Variants in GPR35 observed in about 807,000 individuals in gnomAD.
GPR35 encodes KYNA receptor.
For synonymous variants in GPR35, 207 were observed against 198.4 expected, an observed-to-expected ratio of 1.04 and a Z score of -0.36; for missense variants, 372 against 422.5, an observed-to-expected ratio of 0.88 and a Z score of 1.05.
upstream of GPR35, among the ~76,000 whole-genome samples, chr2:240,623,356 G>C (rs1486301675): frequency 7.1e-6 from 1 of 140,010 alleles, no homozygotes; most frequent in Non-Finnish European, 1.6e-5. Flanking sequence ...GGCGCAAACA[G>C]GTCGTGAGGG....
upstream of GPR35, among the ~76,000 whole-genome samples, chr2:240,624,207 C>A (rs1323131249): frequency 8.7e-6 from 1 of 114,640 alleles, no homozygotes; most frequent in Non-Finnish European, 2.1e-5. Context: ...AGGCCAGACC[C>A]TGTGGCCAGA....
intron 2 of GPR35, among the ~76,000 whole-genome samples, chr2:240,613,562 C>T (rs1471026541): frequency 6.6e-6 from 1 of 152,038 alleles, no homozygotes; most frequent in African/African-American, 2.4e-5. Flanking sequence ...ATGTGGACTC[C>T]AACCCTAATG....
intron 4 of GPR35, chr2:240,617,456 C>T: frequency 1.8e-6 from 1 of 551,432 alleles, no homozygotes. Flanking sequence ...GATAATTAAC[C>T]CTAATGCTAG....
upstream of GPR35, among the ~76,000 whole-genome samples, chr2:240,621,732 T>C (rs1402415026): frequency 6.6e-6 from 1 of 152,208 alleles, no homozygotes; most frequent in Non-Finnish European, 1.5e-5. Context: ...AGAGGGTTTA[T>C]TGAAAGTTGC....
chr2:240,621,699 G>A (rs1263398267), upstream of GPR35, among the ~76,000 whole-genome samples: 2 of 152,206 alleles, frequency 1.3e-5, no homozygotes, highest in African/African-American at 4.8e-5. Context: ...GGAAGTGGAG[G>A]CAAGTCAGAA....
In GPR35 at chr2:240,630,417, G is replaced by T. The variant is rs1260422818; in HGVS notation, c.465G>T (p.Gly155=). ...IGSLVARWLL[G]IQEGGFCFRS... is the part of the protein sequence containing the mutation. ...CCCTGGTGGCTCGCTGGCTCCTGGG[G>T]ATTCAGGAGGGCGGCTTCTGCTTCA... The change falls in exon 2 of 2, where the codon GGG becomes GGT. Residue 155 remains glycine, a synonymous_variant. Coordinates refer to ENST00000407714, the MANE Select transcript of GPR35 (RefSeq NM_005301.5). 3 of 1,612,390 alleles carry T rather than the reference G, an allele frequency of 1.9e-6. No homozygotes were observed. Among genetic ancestry groups the T allele is most frequent in the Admixed American group, 3.3e-5 (2 of 60,008 alleles).
At chr2:240,611,859 G>A (rs529843337) in intron 2 of GPR35, among the ~76,000 whole-genome samples, 2 of 152,312 alleles carry the variant, frequency 1.3e-5, no homozygotes, top group East Asian at 1.9e-4. Flanking sequence ...GTAGTCTGTG[G>A]ATGCAGAACG....
chr2:240,622,504 C>A (rs1445672155), upstream of GPR35, among the ~76,000 whole-genome samples: 1 of 152,244 alleles, frequency 6.6e-6, no homozygotes, highest in Non-Finnish European at 1.5e-5. Context: ...ACATGAAATA[C>A]ACTAACACTC....
In GPR35 at chr2:240,611,236, G is replaced by A. The variant is rs60496100; in HGVS notation, c.-577+4624G>A. ...ACCCACCTCGGCCTCACAAAGTTCT[G>A]GGGTTACAGGCATGAGACACCGTGC... On this transcript the variant is annotated intron_variant, in intron 2 of 5. Coordinates refer to the GPR35 transcript ENST00000319838. 2.0e-4 allele frequency among the ~76,000 whole-genome samples: 30 copies of A among 152,192 alleles called. No individual in the cohort carries two copies. In the East Asian group the frequency reaches 5.2e-3, roughly 26 times the overall value.
chr2:240,611,929 C>T (rs2043185789), intron 2 of GPR35, among the ~76,000 whole-genome samples: 1 of 151,950 alleles, frequency 6.6e-6, no homozygotes, highest in Non-Finnish European at 1.5e-5. Context: ...TTTTAGGGAC[C>T]CAAATGCAGG....
upstream of GPR35, among the ~76,000 whole-genome samples, chr2:240,623,074 C>T (rs913347633): frequency 1.1e-4 from 16 of 152,192 alleles, no homozygotes; most frequent in African/African-American, 3.6e-4. Context: ...GAGCCGGGCG[C>T]CGACGACGAC....
At position 240,629,993 on chromosome 2, in the gene GPR35, C is replaced by T. The variant is rs147585101; in HGVS notation, c.41C>T (p.Thr14Ile). ...TYNTCGSSDL[T>I]WPPAIKLGFY... ...AACACCTGTGGCTCCAGCGACCTCACCTGGCCCCCAGCGATCAAGCTGGGC... is the reference window on the plus strand; with the variant it reads ...AACACCTGTGGCTCCAGCGACCTCATCTGGCCCCCAGCGATCAAGCTGGGC... The change falls in exon 2 of 2, where the codon ACC becomes ATC. Residue 14 changes from threonine (T) to isoleucine (I), a missense_variant. Transcript: ENST00000407714. The T allele has an allele frequency of 1.2e-6, 2 of 1,611,210 alleles. No homozygotes were observed. The highest frequency in any genetic ancestry group is 8.5e-7 in the Non-Finnish European group (1 of 1,178,414).
chr2:240,630,328 GGGCTGCGGTCCCCCAGGCA>G lies in GPR35; in HGVS notation c.385_403del (p.Ser129ProfsTer58). The G allele has an allele frequency of 1.9e-6, 3 of 1,594,474 alleles. No individual in the cohort carries two copies. Among genetic ancestry groups the G allele is most frequent in the Non-Finnish European group, 2.6e-6 (3 of 1,173,964 alleles). ...CGTGCGGCACCCGCTGCGTGCCCGC[GGGCTGCGGTCCCCCAGGCA>G]GGCTGCGGCCGTGTGCGCGGTCCTC... On this transcript the variant is annotated frameshift_variant, in exon 2 of 2. Coordinates refer to ENST00000407714, the MANE Select transcript of GPR35 (RefSeq NM_005301.5). LOFTEE classifies it low-confidence loss of function (END_TRUNC).
upstream of GPR35, among the ~76,000 whole-genome samples, chr2:240,623,462 T>TGCAAACAGATCGTGAGGGC (rs2043329798): frequency 6.8e-5 from 2 of 29,302 alleles, no homozygotes; most frequent in Admixed American, 3.7e-4. Context: ...GTCGTGAGGG[T>TGCAAACAGATCGTGAGGGC]GCAAACAGGT....
At chr2:240,611,791 TG>T (rs1364982888) in intron 2 of GPR35, among the ~76,000 whole-genome samples, 14 of 152,198 alleles carry the variant, frequency 9.2e-5, no homozygotes, top group Admixed American at 9.2e-4. Context: ...TGTCCGGGGC[TG>T]GAGCTGGCTC....
At chr2:240,609,467 C>T (rs919565765) in intron 2 of GPR35, among the ~76,000 whole-genome samples, 1 of 152,022 alleles carries the variant, frequency 6.6e-6, no homozygotes, top group Non-Finnish European at 1.5e-5. Flanking sequence ...TTCTTTGATC[C>T]CTGAGTTATT....
intron 1 of GPR35, chr2:240,627,626 G>GTTTT (rs1559439311): frequency 6.1e-5 from 4 of 66,094 alleles, no homozygotes; most frequent in Admixed American, 1.7e-4. Context: ...CTAATTTTCT[G>GTTTT]TCTTTTTTTT....
rs2043445096 is a variant in GPR35, at chr2:240,631,223, G to A, written c.*341G>A. On this transcript the variant is annotated 3_prime_UTR_variant, in exon 2 of 2. Transcript: ENST00000407714. ...TGATGACACCTGCCGCTGCCCCTCG[G>A]GGCTGGAATAAAACTCCCCACCCAG... The A allele has an allele frequency of 3.0e-6, 1 of 331,166 alleles. No homozygotes were observed. Among genetic ancestry groups the A allele is most frequent in the Non-Finnish European group, 5.9e-6 (1 of 170,364 alleles). The allele number at this position is 331,166 out of a possible 1,614,324, so 20.5% of individuals were successfully genotyped here.
rs558832020 is a variant in GPR35, at chr2:240,617,093, C to T, written c.-449C>T. ...AGACCTGAAACTCTACCAACAGCCA[C>T]CTGGGGGAGCTGGAAGTGAATCTCC... On this transcript the variant is annotated 5_prime_UTR_variant, in exon 4 of 6. Transcript: ENST00000319838. 2.0e-4 allele frequency: 137 copies of T among 698,132 alleles called. No individual in the cohort carries two copies. The East Asian group carries it at 3.1e-3, about 16-fold the overall frequency. 43.2% of individuals were successfully genotyped at this position (698,132 alleles called of 1,614,324 possible).
Sources: allele counts gnomAD v4.1 joint callset (sites outside exome capture counted in the v4.1 genomes callset), GRCh38; gene constraint gnomAD v4.1.1; transcripts MANE v1.5; gene names NCBI Gene and HGNC (gene_info 2026-07-23, HGNC 2026-07-21).